Variants in ROBO4 observed in about 807,000 individuals in gnomAD.
ROBO4 encodes roundabout guidance receptor 4.
A neutral mutation model predicts 103.3 loss-of-function variants in ROBO4; 80 were observed. The observed-to-expected ratio is 0.77, with a 90% CI of 0.65 to 0.93. ROBO4 has a LOEUF of 0.93. Ranked by LOEUF, ROBO4 falls within the 40% of genes least tolerant of loss-of-function variation. The pLI is 0.00. For missense variants in ROBO4, 1,333 were observed against 1,305.3 expected (o/e 1.02, Z -0.33); for synonymous variants, 504 against 529.7 (o/e 0.95, Z 0.67).
rs757604944 is a variant in ROBO4, at chr11:124,895,848, T to C, written c.744A>G (p.Thr248=). Residue 248 remains threonine (T), a synonymous_variant, in exon 5 of 18, where the codon ACA becomes ACG. Transcript: ENST00000306534. ...CCTCTGCAGGATCCGGGTTCAGCAG[T>C]GTCACATTTTCCAGCTGAATTCGCA... is the stretch of plus-strand genomic sequence containing the variant. ...LAVRIQLENV[T]LLNPDPAEGP... The C allele has an allele frequency of 4.3e-6, 7 of 1,613,900 alleles. No homozygotes were observed. The South Asian group carries it at 5.5e-5, about 13-fold the overall frequency.
chr11:124,887,706 A>G (rs769578122), intron 13 of ROBO4, 27 bp downstream of exon 13: 2 of 1,604,592 alleles, frequency 1.2e-6, no homozygotes, highest in Admixed American at 3.3e-5. Context: ...TCACCCCTTC[A>G]CTTCCCTTTC....
intron 16 of ROBO4, among the ~76,000 whole-genome samples, chr11:124,885,917 A>G (rs1390339585): frequency 2.6e-5 from 4 of 152,176 alleles, no homozygotes; most frequent in African/African-American, 7.2e-5. Flanking sequence ...GGCCAGGCTC[A>G]GTGGCTCATG....
In ROBO4 at chr11:124,895,122, G is replaced by T. The variant is rs760508139; in HGVS notation, c.1108C>A (p.Pro370Thr). 1.2e-6 allele frequency: 2 copies of T among 1,614,180 alleles called. No homozygotes were observed. The highest frequency in any genetic ancestry group is 1.7e-5 in the Admixed American group (1 of 60,030). The stretch of plus-strand genomic sequence containing the variant: ...ATGCCATTGTGGTTTTCAGCAGGTG[G>T]TGGGACCCAGCTCACAAAGACAGTG... ...NGTVFVSWVPPPAENHNGIIR... is the reference protein window; with the variant it reads ...NGTVFVSWVPTPAENHNGIIR... The change falls in exon 7 of 18, where the codon CCA becomes ACA. Residue 370 changes from proline (P) to threonine (T), a missense_variant. Transcript: ENST00000306534.
chr11:124,896,491 T>G, intron 3 of ROBO4, 22 bp downstream of exon 3: 1 of 1,611,116 alleles, frequency 6.2e-7, no homozygotes, highest in Non-Finnish European at 8.5e-7. Flanking sequence ...GGATGAAGTG[T>G]GGGGGAGGGG....
chr11:124,891,626 T>A, intron 11 of ROBO4, 40 bp downstream of exon 11: 1 of 1,614,172 alleles, frequency 6.2e-7, no homozygotes, highest in Non-Finnish European at 8.5e-7. Flanking sequence ...CTGAGATCAC[T>A]GCCCCCAGCT....
rs774752196 is a variant in ROBO4 at position 124,894,040 on chromosome 11, C to T, written c.1324G>A (p.Ala442Thr). 1.9e-6 allele frequency: 3 copies of T among 1,547,940 alleles called. No homozygotes were observed. The highest frequency in any genetic ancestry group is 1.7e-6 in the Non-Finnish European group (2 of 1,147,122). ...SRPVCLLLEQ[A>T]MERATQEPSE... ...GGTTCTTGGGTGGCTCGCTCCATGG[C>T]CTGCTCTGTATGGGATGCAGAGCTC... is the stretch of plus-strand genomic sequence containing the variant. The change falls in exon 9 of 18, where the codon GCC becomes ACC. Residue 442 changes from alanine to threonine, a missense_variant. Transcript: ENST00000306534.
chr11:124,894,288 G>T lies in ROBO4; in HGVS notation c.1231C>A (p.His411Asn). The change falls in exon 8 of 18, where the codon CAT becomes AAT. Residue 411 changes from histidine (H) to asparagine (N), a missense_variant. Coordinates refer to ENST00000306534, the MANE Select transcript of ROBO4 (RefSeq NM_019055.6). ...TGCACGCAGTAGGAGCCTGGCATAT[G>T]GGTGGCGATTTCCAGCTGGGTCTGC... ...GEQTQLEIAT[H>N]MPGSYCVQVA... is the part of the protein sequence containing the mutation. 1 of 1,614,096 alleles carries T rather than the reference G, an allele frequency of 6.2e-7. No homozygotes were observed. Among genetic ancestry groups the T allele is most frequent in the Non-Finnish European group, 8.5e-7 (1 of 1,180,006 alleles).
chr11:124,890,071 C>T (rs748670570), intron 12 of ROBO4, among the ~76,000 whole-genome samples: 14 of 152,198 alleles, frequency 9.2e-5, no homozygotes, highest in Admixed American at 5.2e-4. Context: ...CATTACTGTT[C>T]TAAGAGGGGC....
At position 124,895,909 on chromosome 11, in the gene ROBO4, G is replaced by A. The variant is rs762790983; in HGVS notation, c.683C>T (p.Pro228Leu). The stretch of plus-strand genomic sequence containing the variant: ...CTCCACAGGCTCCGTGTAGTCCTGG[G>A]GCTCTGTGGGGAGGATAGGGCTGGG... Reference protein sequence around the residue: ...SRAARVSIQEPQDYTEPVELL... With the variant: ...SRAARVSIQELQDYTEPVELL... The change falls in exon 5 of 18, where the codon CCC becomes CTC. Residue 228 changes from proline to leucine, a missense_variant. By Grantham distance (98) the Pro-to-Leu change is moderately conservative. Transcript: ENST00000306534. 14 of 1,613,534 alleles carry A rather than the reference G, an allele frequency of 8.7e-6. No individual in the cohort carries two copies. In the South Asian group the frequency reaches 1.5e-4, roughly 18 times the overall value.
At position 124,884,749 on chromosome 11, in the gene ROBO4, G is replaced by T. The variant is rs1043198863; in HGVS notation, c.*142C>A. On this transcript the variant is annotated 3_prime_UTR_variant, in exon 18 of 18. Coordinates refer to ENST00000306534, the MANE Select transcript of ROBO4 (RefSeq NM_019055.6). Reference sequence around the variant, plus strand: ...TTTCATTTGTTTTCACAATCGTGGAGGGAGAACTCTCTGGAGGCTTGGGAA... The same window carrying T: ...TTTCATTTGTTTTCACAATCGTGGATGGAGAACTCTCTGGAGGCTTGGGAA... 1.4e-5 allele frequency: 13 copies of T among 930,150 alleles called. No homozygotes were observed. Among genetic ancestry groups the T allele is most frequent in the Middle Eastern group, 2.5e-4 (1 of 3,962 alleles). The allele number at this position is 930,150 out of a possible 1,614,324, so 57.6% of individuals were successfully genotyped here.
In ROBO4 at chr11:124,896,207, A is replaced by C; in HGVS notation, c.670T>G (p.Ser224Ala). 1 of 1,613,930 alleles carries C rather than the reference A, an allele frequency of 6.2e-7. No individual in the cohort carries two copies. The change falls in exon 4 of 18, where the codon TCC (serine) becomes GCC (alanine). Residue 224 changes from serine to alanine, a missense_variant. Physicochemically the swap from Ser to Ala is moderately conservative, Grantham distance 99. Coordinates refer to ENST00000306534, the MANE Select transcript of ROBO4 (RefSeq NM_019055.6). ...CCACCCCTGCCCTTACCCTGGATGG[A>C]AACCCGGGCTGCGCGGCTCTCCCTA... is the stretch of plus-strand genomic sequence containing the variant. ...GHRESRAARV[S>A]IQEPQDYTEP...
rs1446489130 is a variant in ROBO4, at chr11:124,894,938, G to C, written c.1149+143C>G. 3 of 667,028 alleles carry C rather than the reference G, an allele frequency of 4.5e-6. No homozygotes were observed. The African/African-American group carries it at 5.4e-5, about 12-fold the overall frequency. The allele number at this position is 667,028 out of a possible 1,614,324, so 41.3% of individuals were successfully genotyped here. ...GCTTGGCAGGGTCTGGAAGCCAGTG[G>C]GTCCTTGCTCAGCAAAAGCAGGTTT... On this transcript the variant is annotated intron_variant, in intron 7 of 17. Transcript: ENST00000306534.
chr11:124,896,258 A>T lies in ROBO4; in HGVS notation c.619T>A (p.Cys207Ser). ...AEKSDEGTYM[C>S]VATNSAGHRE... The stretch of plus-strand genomic sequence containing the variant: ...TGTCCTGCGCTGTTGGTGGCCACAC[A>T]CATGTAGGTCCCTTCGTCACTCTTC... The change falls in exon 4 of 18, where the codon TGT (cysteine) becomes AGT (serine). Residue 207 changes from cysteine to serine, a missense_variant. Coordinates refer to ENST00000306534, the MANE Select transcript of ROBO4 (RefSeq NM_019055.6). 6.2e-7 allele frequency: 1 copy of T among 1,614,046 alleles called. No homozygotes were observed. Among genetic ancestry groups the T allele is most frequent in the Non-Finnish European group, 8.5e-7 (1 of 1,179,994 alleles).
chr11:124,887,905 C>T, intron 12 of ROBO4, 65 bp from the exon 13 acceptor site: 1 of 1,335,892 alleles, frequency 7.5e-7, no homozygotes, highest in South Asian at 1.3e-5. Context: ...GCTGCTGGCT[C>T]TATCTTCAGC....
Position 124,885,169 on chromosome 11 carries a change from G to A in ROBO4, c.2873C>T (p.Pro958Leu), listed in dbSNP as rs1050106982. The A allele has an allele frequency of 1.2e-6, 2 of 1,614,002 alleles. No individual in the cohort carries two copies. Among genetic ancestry groups the A allele is most frequent in the African/African-American group, 1.3e-5 (1 of 75,050 alleles). The change falls in exon 17 of 18, where the codon CCA becomes CTA. Residue 958 changes from proline to leucine, a missense_variant. Coordinates refer to ENST00000306534, the MANE Select transcript of ROBO4 (RefSeq NM_019055.6). ...NLSLPLWEWR[P>L]DWLEDMEVSH... is the part of the protein sequence containing the mutation. ...GACCTCCATGTCTTCCAACCAGTCTGGCCTCCACTCCCACAGGGGCAGGGA... is the reference window on the plus strand; with the variant it reads ...GACCTCCATGTCTTCCAACCAGTCTAGCCTCCACTCCCACAGGGGCAGGGA...
In ROBO4 at chr11:124,897,148, T is replaced by A; in HGVS notation, c.184A>T (p.Thr62Ser). Residue 62 changes from threonine (T) to serine (S), a missense_variant, in exon 2 of 18, where the codon ACC becomes TCC. Transcript: ENST00000306534. ...SCQASGQPPP[T>S]IRWLLNGQPL... ...TGCCCATTCAGCAACCAGCGGATGG[T>A]GGGAGGTGGCTGGCCTGAGGCTTGG... is the stretch of plus-strand genomic sequence containing the variant. 6.4e-7 allele frequency: 1 copy of A among 1,562,418 alleles called. No individual in the cohort carries two copies. Among genetic ancestry groups the A allele is most frequent in the Non-Finnish European group, 8.7e-7 (1 of 1,151,810 alleles).
chr11:124,891,970 G>T (rs1946807237), intron 10 of ROBO4, 168 bp from the exon 11 acceptor site: 1 of 829,582 alleles, frequency 1.2e-6, no homozygotes, highest in Non-Finnish European at 2.0e-6. Context: ...CTCTGACCTG[G>T]TCCCCTAAAC....
chr11:124,896,364 C>T (rs1329247732), intron 3 of ROBO4, 46 bp from the exon 4 acceptor site: 1 of 1,609,704 alleles, frequency 6.2e-7, no homozygotes, highest in East Asian at 2.2e-5. Context: ...TGGGGAGGGG[C>T]TCTGAGCTGG....
intron 17 of ROBO4, 48 bp from the exon 18 acceptor site, chr11:124,884,961 A>C (rs747123909): frequency 6.2e-7 from 1 of 1,614,022 alleles, no homozygotes; most frequent in South Asian, 1.1e-5. Context: ...TCCCTTCCCC[A>C]GTGCCAGGCT....
Sources: allele counts gnomAD v4.1 joint callset (sites outside exome capture counted in the v4.1 genomes callset), GRCh38; gene constraint gnomAD v4.1.1; transcripts MANE v1.5; gene names NCBI Gene and HGNC (gene_info 2026-07-23, HGNC 2026-07-21).